CALD1: variants seen among roughly 807,000 people sequenced by gnomAD.
CALD1 encodes caldesmon 1, also known as caldesmon.
CALD1 carries 33 observed loss-of-function variants against 99.9 expected under a neutral mutation model. The observed-to-expected ratio is 0.33, with a 90% CI of 0.25 to 0.44. The LOEUF (loss-of-function observed/expected upper bound fraction) is 0.44, where lower values mean the gene tolerates loss of function less well. CALD1 is among the 20% of genes least tolerant of loss of function. The probability of loss-of-function intolerance (pLI) is 1.00; values close to 1 mark genes in which losing one functional copy is unlikely to be tolerated. For missense variants in CALD1, 861 were observed against 962.1 expected, an observed-to-expected ratio of 0.89 and a Z score of 1.39; for synonymous variants, 310 against 325.0, an observed-to-expected ratio of 0.95 and a Z score of 0.50.
chr7:134,733,242 G>A, the CALD1 span, among the ~76,000 whole-genome samples: 1 of 152,216 alleles, frequency 6.6e-6, no homozygotes. Flanking sequence ...CAGTGCTCAA[G>A]AGCAAACGGC....
At chr7:134,919,082 A>C (rs1198182723) in intron 3 of CALD1, among the ~76,000 whole-genome samples, 1 of 152,234 alleles carries the variant, frequency 6.6e-6, no homozygotes, top group Non-Finnish European at 1.5e-5. Flanking sequence ...AAGTCATGAT[A>C]AAAGTCTTTT....
chr7:134,843,500 A>G (rs539156285), intron 1 of CALD1, among the ~76,000 whole-genome samples: 2 of 152,338 alleles, frequency 1.3e-5, no homozygotes, highest in African/African-American at 4.8e-5. Flanking sequence ...ATACATAGAC[A>G]CTACAGACCA....
chr7:134,724,634 C>T, the CALD1 span, among the ~76,000 whole-genome samples: 1 of 152,340 alleles, frequency 6.6e-6, no homozygotes, highest in East Asian at 1.9e-4. Context: ...GGCTAAAGAA[C>T]TCTTGGTTTG....
intron 3 of CALD1, 32 bp from the exon 4 acceptor site, chr7:134,928,720 GCA>G: frequency 6.2e-7 from 1 of 1,600,292 alleles, no homozygotes; most frequent in African/African-American, 1.3e-5. Flanking sequence ...GTGGCAAGTG[GCA>G]CGCTCAAGAG....
rs1050920077 is a variant in CALD1, at chr7:134,819,002, G to A, written c.-129-24882G>A. The stretch of plus-strand genomic sequence containing the variant: ...GTTCAGTCACAGGAAAATCCAAATT[G>A]GCCACGCTAAACCAGATCCAAAATC... On this transcript the variant is annotated intron_variant, in intron 1 of 14. Coordinates refer to ENST00000361675, the MANE Select transcript of CALD1 (RefSeq NM_033138.4). Among the ~76,000 whole-genome samples, 6 of 152,138 alleles carry A rather than the reference G, an allele frequency of 3.9e-5. No individual in the cohort carries two copies. The South Asian group carries it at 1.2e-3, about 32-fold the overall frequency.
At chr7:134,750,258 G>GTCTCTCTCTC (rs35571307) in intron 1 of CALD1, among the ~76,000 whole-genome samples, 7 of 151,228 alleles carry the variant, frequency 4.6e-5, no homozygotes, top group African/African-American at 1.7e-4. Context: ...CAGGCTTGTG[G>GTCTCTCTCTC]TCTCTCTCTC....
At chr7:134,965,967 A>T (rs1808652296) in intron 14 of CALD1, among the ~76,000 whole-genome samples, 1 of 152,170 alleles carries the variant, frequency 6.6e-6, no homozygotes, top group African/African-American at 2.4e-5. Context: ...TTCAGAAAGG[A>T]GGCTCTGAAG....
At chr7:134,816,319 T>C (rs1798562959) in intron 1 of CALD1, among the ~76,000 whole-genome samples, 2 of 152,220 alleles carry the variant, frequency 1.3e-5, no homozygotes, top group African/African-American at 2.4e-5. Flanking sequence ...ACAGGGGCCA[T>C]GTCAATCCAA....
intron 2 of CALD1, among the ~76,000 whole-genome samples, chr7:134,844,887 C>T (rs538673487): frequency 6.6e-6 from 1 of 152,146 alleles, no homozygotes; most frequent in African/African-American, 2.4e-5. Context: ...ATTAGGCCCA[C>T]CCTAAAGACC....
At chr7:134,869,989 G>A (rs1286874212) in intron 3 of CALD1, among the ~76,000 whole-genome samples, 4 of 152,186 alleles carry the variant, frequency 2.6e-5, no homozygotes, top group Non-Finnish European at 5.9e-5. Context: ...GCCGGGCTCA[G>A]TGAACCACAC....
At chr7:134,804,219 A>G (rs1315432463) in intron 1 of CALD1, among the ~76,000 whole-genome samples, 1 of 152,216 alleles carries the variant, frequency 6.6e-6, no homozygotes, top group African/African-American at 2.4e-5. Flanking sequence ...TGAATACTTC[A>G]TAGCTTACCA....
intron 3 of CALD1, among the ~76,000 whole-genome samples, chr7:134,915,688 A>G (rs187143563): frequency 6.6e-6 from 1 of 152,342 alleles, no homozygotes; most frequent in Admixed American, 6.5e-5. Flanking sequence ...CAATTTGCAC[A>G]CACAAATGTG....
chr7:134,904,522 A>G (rs1166101023), intron 3 of CALD1, among the ~76,000 whole-genome samples: 1 of 151,976 alleles, frequency 6.6e-6, no homozygotes, highest in Non-Finnish European at 1.5e-5. Context: ...CGTTGTTCTC[A>G]CCACTGCACT....
At chr7:134,740,068 G>C (rs1253055073), upstream of CALD1, among the ~76,000 whole-genome samples, 1 of 151,876 alleles carries the variant, frequency 6.6e-6, no homozygotes, top group Non-Finnish European at 1.5e-5. Context: ...ATATCAGCAA[G>C]GTATTTTGAA....
intron 1 of CALD1, among the ~76,000 whole-genome samples, chr7:134,772,583 T>C (rs1796885781): frequency 1.3e-5 from 2 of 152,242 alleles, no homozygotes; most frequent in Non-Finnish European, 2.9e-5. Context: ...TTACATCATC[T>C]TTGTTTTGGT....
intron 1 of CALD1, among the ~76,000 whole-genome samples, chr7:134,761,910 C>A (rs1421681623): frequency 6.6e-6 from 1 of 152,172 alleles, no homozygotes; most frequent in South Asian, 2.1e-4. Flanking sequence ...AGCTTATAAA[C>A]CATCTTAAAA....
intron 2 of CALD1, among the ~76,000 whole-genome samples, chr7:134,858,380 G>C (rs1800409740): frequency 2.0e-5 from 3 of 152,082 alleles, no homozygotes; most frequent in Non-Finnish European, 4.4e-5. Flanking sequence ...AATGGAGAGA[G>C]TACCAATGAG....
In CALD1 at chr7:134,783,559, G is replaced by A. The variant is rs2131695716; in HGVS notation, c.-130+3810G>A. On this transcript the variant is annotated intron_variant, in intron 1 of 14. Transcript: ENST00000361675. This position sits in a 1 kb window ranked among gnomAD's most constrained non-coding sequence, Gnocchi z 4.3. ...CTGTGGGTAAGGCTATGGGAGCGGG[G>A]TCGGGGGGAAACTATGACCTGGGCT... Among the ~76,000 whole-genome samples, 1 of 152,268 alleles carries A rather than the reference G, an allele frequency of 6.6e-6. No individual in the cohort carries two copies. The highest frequency in any genetic ancestry group is 2.1e-4 in the South Asian group (1 of 4,816).
At chr7:134,747,330 C>A (rs1384315376) in intron 1 of CALD1, among the ~76,000 whole-genome samples, 1 of 152,130 alleles carries the variant, frequency 6.6e-6, no homozygotes, top group African/African-American at 2.4e-5. Context: ...GGTCAAGATG[C>A]ACATGGAGCC....
Sources: allele counts gnomAD v4.1 joint callset (sites outside exome capture counted in the v4.1 genomes callset), GRCh38; gene constraint gnomAD v4.1.1; non-coding constraint Gnocchi (gnomAD v3.1); transcripts MANE v1.5; gene names NCBI Gene and HGNC (gene_info 2026-07-23, HGNC 2026-07-21).